Variants in BAZ1A observed in about 807,000 individuals in gnomAD.
BAZ1A encodes bromodomain adjacent to zinc finger domain protein 1A.
In BAZ1A, 50 loss-of-function variants were observed where a neutral mutation model predicts 185.2. The ratio of observed to expected loss-of-function variants is 0.27; its 90% CI spans 0.22 to 0.34. BAZ1A has a LOEUF of 0.34. Among genes scored for constraint, BAZ1A ranks in the 10% least tolerant of loss-of-function variants. The pLI is 1.00. For synonymous variants in BAZ1A, 571 were observed against 615.6 expected (o/e 0.93, Z 1.07); for missense variants, 1,356 against 1,839.9 (o/e 0.74, Z 4.81).
At chr14:34,803,066 G>A in intron 6 of BAZ1A, 78 bp from the exon 7 acceptor site, 1 of 1,393,278 alleles carries the variant, frequency 7.2e-7, no homozygotes, top group Admixed American at 1.8e-5. Flanking sequence ...CATGTCATAT[G>A]GCCACTATTA....
At chr14:34,830,938 G>C (rs1489773217) in intron 3 of BAZ1A, among the ~76,000 whole-genome samples, 1 of 151,978 alleles carries the variant, frequency 6.6e-6, no homozygotes. Context: ...TGTATTTTTA[G>C]TAGAGATGGG....
In BAZ1A at chr14:34,801,186, T is replaced by G. The variant is rs371707800; in HGVS notation, c.869A>C (p.Asn290Thr). ...PKRIHISQED[N>T]VANKQTLASY... Reference sequence around the variant, plus strand: ...TGCAAGAGTCTGTTTATTAGCAACATTGTCCTCCTAAAAAACAAACCAAAA... The same window carrying G: ...TGCAAGAGTCTGTTTATTAGCAACAGTGTCCTCCTAAAAAACAAACCAAAA... Residue 290 changes from asparagine to threonine, a missense_variant, in exon 8 of 27, where the codon AAT (asparagine) becomes ACT (threonine). By Grantham distance (65) the Asn-to-Thr change is moderately conservative. Coordinates refer to ENST00000360310, the MANE Select transcript of BAZ1A (RefSeq NM_013448.3). 4.4e-6 allele frequency: 7 copies of G among 1,602,636 alleles called. No homozygotes were observed. Among genetic ancestry groups the G allele is most frequent in the Non-Finnish European group, 6.0e-6 (7 of 1,176,164 alleles).
At chr14:34,793,010 G>T in intron 11 of BAZ1A, 89 bp from the exon 12 acceptor site, 1 of 1,186,008 alleles carries the variant, frequency 8.4e-7, no homozygotes, top group South Asian at 1.6e-5. Flanking sequence ...ATCAACAATA[G>T]TATGTGCAAC....
chr14:34,772,796 C>T (rs918058263), intron 20 of BAZ1A, among the ~76,000 whole-genome samples: 6 of 151,894 alleles, frequency 4.0e-5, no homozygotes, highest in Non-Finnish European at 7.4e-5. Context: ...TTTGGGAGGC[C>T]GAGGCAGGGC....
intron 6 of BAZ1A, among the ~76,000 whole-genome samples, chr14:34,805,126 G>T (rs1484023509): frequency 6.6e-6 from 1 of 152,108 alleles, no homozygotes; most frequent in African/African-American, 2.4e-5. Context: ...CTTGCTTTCC[G>T]CCATGATTGT....
At chr14:34,871,819 C>T (rs1355141776) in intron 2 of BAZ1A, among the ~76,000 whole-genome samples, 1 of 152,118 alleles carries the variant, frequency 6.6e-6, no homozygotes. Context: ...TGCAGTGAGC[C>T]GAGATGGCAC....
At chr14:34,830,207 T>C (rs1044540257) in intron 3 of BAZ1A, among the ~76,000 whole-genome samples, 3 of 152,090 alleles carry the variant, frequency 2.0e-5, no homozygotes, top group African/African-American at 7.2e-5. Context: ...AAAACAGTAC[T>C]ACTCATAAGA....
At chr14:34,780,039 G>A in intron 17 of BAZ1A, 147 bp downstream of exon 17, 1 of 982,524 alleles carries the variant, frequency 1.0e-6, no homozygotes, top group Non-Finnish European at 1.5e-6. Flanking sequence ...ACTCATCACA[G>A]CTATGAGGTG....
At chr14:34,839,411 T>C (rs1025030351) in intron 3 of BAZ1A, among the ~76,000 whole-genome samples, 1 of 151,914 alleles carries the variant, frequency 6.6e-6, no homozygotes, top group Non-Finnish European at 1.5e-5. Context: ...TGGTAGTGTG[T>C]GCCTGTAGTC....
intron 6 of BAZ1A, among the ~76,000 whole-genome samples, chr14:34,804,887 G>A (rs1289388178): frequency 6.6e-6 from 1 of 152,154 alleles, no homozygotes; most frequent in African/African-American, 2.4e-5. Context: ...ACCAAAACTG[G>A]TTATCAAACT....
At chr14:34,771,097 G>A (rs1879188564) in intron 21 of BAZ1A, 1 of 162,224 alleles carries the variant, frequency 6.2e-6, no homozygotes, top group Non-Finnish European at 1.3e-5. Flanking sequence ...AAATTCCTGG[G>A]CTCATGTGAT....
Position 34,862,264 on chromosome 14 carries a change from C to G in BAZ1A, c.172G>C (p.Gly58Arg). ...NSLVWSCAVT[G>R]RPGLTYQEAL... ...TCCTGATACGTCAGTCCAGGTCTAC[C>G]CGTCACAGCACAACTCCACACAAGG... Residue 58 changes from glycine to arginine, a missense_variant, in exon 3 of 27, where the codon GGT becomes CGT. This residue lies in a region of BAZ1A where 332 missense variants were observed against 395.3 expected (regional missense o/e 0.84). Transcript: ENST00000360310. 1.9e-6 allele frequency: 3 copies of G among 1,613,926 alleles called. No homozygotes were observed. In the South Asian group the frequency reaches 3.3e-5, roughly 18 times the overall value.
intron 5 of BAZ1A, among the ~76,000 whole-genome samples, chr14:34,810,253 C>A (rs1445553372): frequency 6.6e-6 from 1 of 152,138 alleles, no homozygotes; most frequent in East Asian, 1.9e-4. Context: ...GACTAAGAGC[C>A]TAAACCCAAC....
At chr14:34,768,733 CTTTTTTTTTTCT>C (rs1879016560) in intron 21 of BAZ1A, 2 of 377,310 alleles carry the variant, frequency 5.3e-6, no homozygotes, top group Non-Finnish European at 1.1e-5. Context: ...TTTTCTTGTC[CTTTTTTTTTTCT>C]ATCTCCCTTT....
At chr14:34,786,089 A>G (rs2138616152) in intron 13 of BAZ1A, 37 bp downstream of exon 13, 2 of 1,571,156 alleles carry the variant, frequency 1.3e-6, no homozygotes, top group East Asian at 4.5e-5. Context: ...ATTAAAAATA[A>G]AAAGCCAAAC....
chr14:34,868,008 A>G (rs1040565693), intron 2 of BAZ1A, among the ~76,000 whole-genome samples: 7 of 152,242 alleles, frequency 4.6e-5, no homozygotes, highest in Non-Finnish European at 1.5e-5. Context: ...TAACATACAA[A>G]GTATTTTTAT....
At chr14:34,787,940 G>A (rs1041614617) in intron 12 of BAZ1A, among the ~76,000 whole-genome samples, 5 of 152,118 alleles carry the variant, frequency 3.3e-5, no homozygotes, top group Non-Finnish European at 5.9e-5. Context: ...CTAAGAGTCA[G>A]ATAATGTATA....
chr14:34,783,648 A>G (rs754650299), intron 15 of BAZ1A, 114 bp downstream of exon 15: 7 of 1,357,224 alleles, frequency 5.2e-6, no homozygotes, highest in Admixed American at 2.4e-5. Context: ...CTCTTAGTAA[A>G]GCCATCAAAC....
At chr14:34,832,215 C>CATATAT (rs796421959) in intron 3 of BAZ1A, among the ~76,000 whole-genome samples, 13 of 89,706 alleles carry the variant, frequency 1.4e-4, no homozygotes, top group South Asian at 4.9e-4. Context: ...CACACACACA[C>CATATAT]ATATATATAT....
Sources: allele counts gnomAD v4.1 joint callset (sites outside exome capture counted in the v4.1 genomes callset), GRCh38; gene constraint gnomAD v4.1.1; regional missense constraint gnomAD v4.1.1; transcripts MANE v1.5; gene names NCBI Gene and HGNC (gene_info 2026-07-23, HGNC 2026-07-21).